PLPP4: variants seen among roughly 807,000 people sequenced by gnomAD.
PLPP4 encodes phospholipid phosphatase 4, also known as diacylglycerol pyrophosphate like 2.
A neutral mutation model predicts 32.2 loss-of-function variants in PLPP4; 20 were observed. The observed-to-expected ratio is 0.62, with a 90% confidence interval of 0.44 to 0.90. The LOEUF is 0.90. PLPP4 is among the 40% of genes least tolerant of loss of function. The pLI is 0.00. For synonymous variants in PLPP4, 127 were observed against 133.0 expected, an observed-to-expected ratio of 0.95 and a Z score of 0.31; for missense variants, 257 against 353.1, an observed-to-expected ratio of 0.73 and a Z score of 2.18.
chr10:120,536,756 G>A (rs1011195102), intron 5 of PLPP4, among the ~76,000 whole-genome samples: 14 of 149,284 alleles, frequency 9.4e-5, no homozygotes, highest in Non-Finnish European at 1.6e-4. Flanking sequence ...TAAACAAAAT[G>A]AAAAGACAAC....
At chr10:120,544,329 G>A (rs917576513) in intron 5 of PLPP4, among the ~76,000 whole-genome samples, 3 of 152,184 alleles carry the variant, frequency 2.0e-5, no homozygotes, top group Non-Finnish European at 4.4e-5. Flanking sequence ...CCCCTGGGGG[G>A]ATGTGTCATC....
chr10:120,505,388 C>A (rs949637548), intron 2 of PLPP4, among the ~76,000 whole-genome samples: 1 of 152,188 alleles, frequency 6.6e-6, no homozygotes, highest in Non-Finnish European at 1.5e-5. Context: ...TGTTATGGAA[C>A]GATAATGTCA....
intron 5 of PLPP4, among the ~76,000 whole-genome samples, chr10:120,535,970 A>G (rs942445113): frequency 3.3e-5 from 5 of 152,186 alleles, no homozygotes; most frequent in Non-Finnish European, 5.9e-5. Flanking sequence ...TAGAAATTCA[A>G]AATTACCATG....
At chr10:120,566,880 G>T (rs1336135899) in intron 5 of PLPP4, among the ~76,000 whole-genome samples, 1 of 152,128 alleles carries the variant, frequency 6.6e-6, no homozygotes, top group Non-Finnish European at 1.5e-5. Context: ...AGGTTATTTA[G>T]TCTTTGGGGT....
At chr10:120,581,301 T>G in intron 6 of PLPP4, 2 of 985,366 alleles carry the variant, frequency 2.0e-6, no homozygotes, top group Non-Finnish European at 2.4e-6. Context: ...GCTCAGCATA[T>G]TTATAGACTC....
chr10:120,523,420 T>A (rs553861245), intron 5 of PLPP4, among the ~76,000 whole-genome samples: 8 of 152,286 alleles, frequency 5.3e-5, no homozygotes, highest in Non-Finnish European at 1.0e-4. Flanking sequence ...CTCTATGCAG[T>A]CCCATTTTAA....
chr10:120,574,164 A>ACTCT (rs1564850141), intron 5 of PLPP4, among the ~76,000 whole-genome samples: 12 of 67,698 alleles, frequency 1.8e-4, no homozygotes, highest in Non-Finnish European at 2.9e-4. Context: ...ACACACACAC[A>ACTCT]CACACTCTCT....
intron 1 of PLPP4, among the ~76,000 whole-genome samples, chr10:120,502,332 G>A (rs1327172238): frequency 1.3e-5 from 2 of 152,150 alleles, no homozygotes; most frequent in Non-Finnish European, 2.9e-5. Context: ...AGAGTTAGGG[G>A]AGGCAGGGAG....
intron 1 of PLPP4, among the ~76,000 whole-genome samples, chr10:120,498,827 A>AT (rs911283503): frequency 6.6e-6 from 1 of 151,990 alleles, no homozygotes; most frequent in Non-Finnish European, 1.5e-5. Flanking sequence ...CACCCAGCTA[A>AT]TTTTTTGTTT....
intron 5 of PLPP4, among the ~76,000 whole-genome samples, chr10:120,555,157 A>G (rs1259275862): frequency 6.6e-6 from 1 of 152,084 alleles, no homozygotes; most frequent in Non-Finnish European, 1.5e-5. Flanking sequence ...ACTGAAACCA[A>G]GCAGAACCTA....
chr10:120,580,453 G>C (rs11596921), intron 6 of PLPP4, among the ~76,000 whole-genome samples: 45,761 of 151,984 alleles, frequency 0.3, 7,079 homozygotes, highest in Non-Finnish European at 0.34. Flanking sequence ...TCTGTCAGCT[G>C]TCTTGGTTTT....
At chr10:120,532,260 C>G (rs112285868) in intron 5 of PLPP4, among the ~76,000 whole-genome samples, 3,928 of 152,212 alleles carry the variant, frequency 0.026, 74 homozygotes, top group South Asian at 0.069. Context: ...TTTGTGGCTG[C>G]ATAGTATTCC....
intron 5 of PLPP4, among the ~76,000 whole-genome samples, chr10:120,529,237 C>T (rs1242606186): frequency 6.6e-6 from 1 of 151,948 alleles, no homozygotes; most frequent in Non-Finnish European, 1.5e-5. Context: ...ATTGGCATCT[C>T]GAGAACAGAG....
intron 5 of PLPP4, among the ~76,000 whole-genome samples, chr10:120,567,006 G>A (rs999571920): frequency 1.3e-5 from 2 of 152,118 alleles, no homozygotes; most frequent in Non-Finnish European, 2.9e-5. Context: ...AGACATGCTC[G>A]GGGCCAAGTG....
At chr10:120,510,540 C>T (rs542675287) in intron 2 of PLPP4, among the ~76,000 whole-genome samples, 1 of 152,228 alleles carries the variant, frequency 6.6e-6, no homozygotes, top group Admixed American at 6.5e-5. Flanking sequence ...GCTCCCCTGG[C>T]TCGGGCAGCA....
intron 1 of PLPP4, among the ~76,000 whole-genome samples, chr10:120,495,838 A>G (rs1183465530): frequency 6.6e-6 from 1 of 152,192 alleles, no homozygotes. Context: ...TGTAAGATAA[A>G]CAGCCACTGT....
At position 120,554,213 on chromosome 10, in the gene PLPP4, G is replaced by C. The variant is rs542324343; in HGVS notation, c.446-20918G>C. On this transcript the variant is annotated intron_variant, in intron 5 of 6. Transcript: ENST00000398250. The stretch of plus-strand genomic sequence containing the variant: ...ATTTCTTCTGCCAGATACTGTAAAT[G>C]ATCACTCTCAAGTTCAAAGTTCCGC... Among the ~76,000 whole-genome samples the C allele has an allele frequency of 2.0e-5, 3 of 152,254 alleles. No homozygotes were observed. The East Asian group carries it at 5.8e-4, about 29-fold the overall frequency.
chr10:120,588,356 C>A (rs1228479590), intron 6 of PLPP4, among the ~76,000 whole-genome samples: 14 of 152,148 alleles, frequency 9.2e-5, no homozygotes, highest in African/African-American at 3.4e-4. Context: ...CAGATGCACC[C>A]CCCTGCCTCA....
chr10:120,574,150 ACACACACACACACACACACTCT>A, intron 5 of PLPP4, among the ~76,000 whole-genome samples: 1 of 118,076 alleles, frequency 8.5e-6, no homozygotes. Context: ...ACACACACAC[ACACACACACACACACACACTCT>A]CTCTCTCTCT....
Sources: allele counts gnomAD v4.1 joint callset (sites outside exome capture counted in the v4.1 genomes callset), GRCh38; gene constraint gnomAD v4.1.1; transcripts MANE v1.5; gene names NCBI Gene and HGNC (gene_info 2026-07-23, HGNC 2026-07-21).